IGF2R: variants seen among roughly 807,000 people sequenced by gnomAD.
The protein encoded by IGF2R is insulin like growth factor 2 receptor, also known as cation-independent mannose-6-phosphate receptor.
Under a neutral mutation model 270.6 loss-of-function variants are expected in IGF2R, and 91 were observed. The ratio of observed to expected loss-of-function variants is 0.34; its 90% confidence interval spans 0.28 to 0.40. The LOEUF is 0.40. Ranked by LOEUF, IGF2R falls within the 10% of genes least tolerant of loss-of-function variation. The probability of loss-of-function intolerance (pLI) is 1.00; values close to 1 mark genes in which losing one functional copy is unlikely to be tolerated. For missense variants in IGF2R, 2,805 were observed against 3,188.3 expected (o/e 0.88, Z 2.90); for synonymous variants, 1,316 against 1,258.9 (o/e 1.05, Z -0.96).
At chr6:160,096,353 A>C in intron 44 of IGF2R, 86 bp from the exon 45 acceptor site, 1 of 1,287,372 alleles carries the variant, frequency 7.8e-7, no homozygotes, top group Non-Finnish European at 1.1e-6. Flanking sequence ...AAGTCTTTGC[A>C]AACTTTTTAG....
intron 1 of IGF2R, among the ~76,000 whole-genome samples, chr6:159,973,643 G>A (rs940292467): frequency 6.6e-6 from 1 of 152,150 alleles, no homozygotes; most frequent in Non-Finnish European, 1.5e-5. Flanking sequence ...CATTTCAACA[G>A]TAAGTGTATG....
At position 160,090,905 on chromosome 6, in the gene IGF2R, C is replaced by T. The variant is rs1243577650; in HGVS notation, c.6655+802C>T. On this transcript the variant is annotated intron_variant, in intron 44 of 47. Transcript: ENST00000356956. ...CTCCGTGCCCTGGTGCTGAGCTCATCGCCGAGAAGGAGCAGGTGCTCCGTG... is the reference window on the plus strand; with the variant it reads ...CTCCGTGCCCTGGTGCTGAGCTCATTGCCGAGAAGGAGCAGGTGCTCCGTG... Among the ~76,000 whole-genome samples the T allele has an allele frequency of 7.1e-5, 10 of 140,962 alleles. No individual in the cohort carries two copies. In the East Asian group the frequency reaches 8.6e-4, roughly 12 times the overall value. 92.5% of individuals were successfully genotyped at this position (140,962 alleles called of 152,430 possible).
rs568256165 is a variant in IGF2R at position 160,084,249 on chromosome 6, C to T, written c.6068+65C>T. 42 of 959,814 alleles carry T rather than the reference C, an allele frequency of 4.4e-5. No homozygotes were observed. Among genetic ancestry groups the T allele is most frequent in the East Asian group, 3.2e-4 (13 of 41,140 alleles). 59.5% of individuals were successfully genotyped at this position (959,814 alleles called of 1,614,324 possible). A position where few individuals can be genotyped will look rare whatever the true frequency, so the allele number is the denominator to read the frequency against. On this transcript the variant is annotated intron_variant, in intron 40 of 47. Coordinates refer to ENST00000356956, the MANE Select transcript of IGF2R (RefSeq NM_000876.4). The surrounding 1 kb of genome is among the most constrained non-coding windows in gnomAD (Gnocchi z 4.6). ...AGCATGTGAACTTCAGACTGCTTGACGATGGTTGGCTCTTTTGGGTTCTCA... is the reference window on the plus strand; with the variant it reads ...AGCATGTGAACTTCAGACTGCTTGATGATGGTTGGCTCTTTTGGGTTCTCA...
chr6:160,063,695 C>T (rs185085973), intron 27 of IGF2R, 65 bp downstream of exon 27: 4 of 1,249,094 alleles, frequency 3.2e-6, no homozygotes, highest in South Asian at 2.8e-5. Flanking sequence ...AAATATTTTG[C>T]TGAAGATGAA....
chr6:160,056,982 G>C (rs2115257911), intron 20 of IGF2R, among the ~76,000 whole-genome samples: 1 of 152,280 alleles, frequency 6.6e-6, no homozygotes, highest in African/African-American at 2.4e-5. Flanking sequence ...ATAGGGTAAG[G>C]CCTGTGTGTC....
Position 160,078,101 on chromosome 6 carries a change from C to T in IGF2R, c.5317-100C>T, listed in dbSNP as rs149607934. The T allele has an allele frequency of 7.9e-4, 916 of 1,157,648 alleles. 8 individuals are homozygous for T. The African/African-American group carries it at 0.013, about 16-fold the overall frequency. 71.7% of individuals were successfully genotyped at this position (1,157,648 alleles called of 1,614,324 possible). A position where few individuals can be genotyped will look rare whatever the true frequency, so the allele number is the denominator to read the frequency against. ...CTAGCATCCCTTCCCTCTGAGAGGC[C>T]GCTGTGGGTTATGCACAGCCCCTGT... On this transcript the variant is annotated intron_variant, in intron 36 of 47. Coordinates refer to ENST00000356956, the MANE Select transcript of IGF2R (RefSeq NM_000876.4).
In IGF2R at chr6:160,073,989, A is replaced by T; in HGVS notation, c.5166+14A>T. The T allele has an allele frequency of 6.3e-7, 1 of 1,586,966 alleles. No individual in the cohort carries two copies. ...GGTCCCCCCATAGTAAGTATGACAA[A>T]TCCAAGGGTGGAGATAATTTTTGCA... On this transcript the variant is annotated intron_variant, in intron 35 of 47. Coordinates refer to ENST00000356956, the MANE Select transcript of IGF2R (RefSeq NM_000876.4).
chr6:160,037,955 G>T (rs1777862743), intron 10 of IGF2R, among the ~76,000 whole-genome samples: 1 of 152,090 alleles, frequency 6.6e-6, no homozygotes, highest in Admixed American at 6.6e-5. Flanking sequence ...AAGTCACTTG[G>T]CCCAGCCTGA....
chr6:160,008,099 T>C (rs539880960), intron 2 of IGF2R, among the ~76,000 whole-genome samples: 2 of 152,308 alleles, frequency 1.3e-5, no homozygotes, highest in South Asian at 4.1e-4. Context: ...TCATAATGTT[T>C]TAAGAAAGTT....
At chr6:159,977,722 G>T (rs1783716255) in intron 1 of IGF2R, among the ~76,000 whole-genome samples, 1 of 152,168 alleles carries the variant, frequency 6.6e-6, no homozygotes, top group East Asian at 1.9e-4. Flanking sequence ...CTTGAATCCA[G>T]ACTCCTCCCC....
intron 1 of IGF2R, among the ~76,000 whole-genome samples, chr6:159,978,545 C>G (rs1783729687): frequency 6.6e-6 from 1 of 152,104 alleles, no homozygotes; most frequent in African/African-American, 2.4e-5. Context: ...CTCTCCAGGC[C>G]TCCCTGGAGG....
intron 2 of IGF2R, among the ~76,000 whole-genome samples, chr6:159,993,604 G>A (rs1784009659): frequency 6.6e-6 from 1 of 152,162 alleles, no homozygotes; most frequent in Non-Finnish European, 1.5e-5. Context: ...TCAGTACCAT[G>A]CTGTTTGATT....
chr6:160,047,324 C>T lies in IGF2R; in HGVS notation c.2217C>T (p.Phe739=), dbSNP rs1778091946. Reference sequence around the variant, plus strand: ...GTGATCGAGACGCGGGAGTGGGCTTCCCTGAATATCAGGTAGGAATGTTTG... The same window carrying T: ...GTGATCGAGACGCGGGAGTGGGCTTTCCTGAATATCAGGTAGGAATGTTTG... ...FLCDRDAGVG[F]PEYQEEDNST... The change falls in exon 16 of 48, where the codon TTC becomes TTT. Residue 739 remains phenylalanine, a synonymous_variant. Transcript: ENST00000356956. 3 of 1,592,992 alleles carry T rather than the reference C, an allele frequency of 1.9e-6. No individual in the cohort carries two copies. The highest frequency in any genetic ancestry group is 1.7e-5 in the Admixed American group (1 of 57,846).
At chr6:160,024,044 G>A (rs185471764) in intron 4 of IGF2R, among the ~76,000 whole-genome samples, 246 of 152,310 alleles carry the variant, frequency 1.6e-3, no homozygotes, top group African/African-American at 3.0e-3. Flanking sequence ...ACCATGTAAC[G>A]GGAAGGCTAG....
Position 160,084,933 on chromosome 6 carries a change from C to T in IGF2R, c.6069-62C>T. ...TCTGAAAGTAAAGTGAAGAGCCCTCCTGTGTCAGGGCAGAGACGTCACTTG... is the reference window on the plus strand; with the variant it reads ...TCTGAAAGTAAAGTGAAGAGCCCTCTTGTGTCAGGGCAGAGACGTCACTTG... On this transcript the variant is annotated intron_variant, in intron 40 of 47. Transcript: ENST00000356956. This position sits in a 1 kb window ranked among gnomAD's most constrained non-coding sequence, Gnocchi z 4.6. 2 of 1,526,174 alleles carry T rather than the reference C, an allele frequency of 1.3e-6. No homozygotes were observed. Among genetic ancestry groups the T allele is most frequent in the South Asian group, 1.2e-5 (1 of 84,802 alleles). 94.5% of individuals were successfully genotyped at this position (1,526,174 alleles called of 1,614,324 possible).
At chr6:160,032,406 TA>T in intron 7 of IGF2R, 144 bp from the exon 8 acceptor site, 1 of 651,890 alleles carries the variant, frequency 1.5e-6, no homozygotes, top group Admixed American at 2.9e-5. Context: ...CTTAATGTGT[TA>T]GAGGCAATTA....
rs1778964007 is a variant in IGF2R, at chr6:160,080,841, G to A, written c.5833+566G>A. On this transcript the variant is annotated intron_variant, in intron 39 of 47. Transcript: ENST00000356956. ...ATGAAAAATTACTAATTTTTGGCCA[G>A]GCGCGGTGGCTCACGCCTGTAATCC... 2.0e-5 allele frequency among the ~76,000 whole-genome samples: 3 copies of A among 152,172 alleles called. No individual in the cohort carries two copies. In the South Asian group the frequency reaches 6.2e-4, roughly 32 times the overall value.
At chr6:160,045,473 T>A (rs562989138) in intron 13 of IGF2R, among the ~76,000 whole-genome samples, 4 of 152,294 alleles carry the variant, frequency 2.6e-5, no homozygotes, top group Non-Finnish European at 5.9e-5. Context: ...TCTCCAGAAC[T>A]TTTTGATCCT....
rs766910183 is a variant in IGF2R, at chr6:160,108,060, T to C, written c.*2976T>C. On this transcript the variant is annotated 3_prime_UTR_variant, in exon 48 of 48. Coordinates refer to ENST00000356956, the MANE Select transcript of IGF2R (RefSeq NM_000876.4). ...TGGCGATCGGGTCACAAGGAGCCAGTGTGTGTGTCACCAGGAGGTTGTATG... is the reference window on the plus strand; with the variant it reads ...TGGCGATCGGGTCACAAGGAGCCAGCGTGTGTGTCACCAGGAGGTTGTATG... 1 of 152,276 alleles carries C rather than the reference T, an allele frequency of 6.6e-6. No individual in the cohort carries two copies. The highest frequency in any genetic ancestry group is 2.4e-5 in the African/African-American group (1 of 41,444). 9.4% of individuals were successfully genotyped at this position (152,276 alleles called of 1,614,324 possible). A position where few individuals can be genotyped will look rare whatever the true frequency, so the allele number is the denominator to read the frequency against.
Sources: gnomAD v4.1 joint callset for allele counts (sites outside exome capture counted in the v4.1 genomes callset) on GRCh38, gnomAD v4.1.1 for gene constraint, Gnocchi (gnomAD v3.1) non-coding constraint, MANE v1.5 for transcripts, NCBI Gene and HGNC (gene_info 2026-07-23, HGNC 2026-07-21) for gene names.